The following SLC36A3 variants were observed in gnomAD, a reference collection of about 807,000 sequenced individuals.
The protein encoded by SLC36A3 is proton-coupled amino acid transporter 3.
A neutral mutation model predicts 44.3 loss-of-function variants in SLC36A3; 35 were observed. That is an observed-to-expected ratio of 0.79 (90% confidence interval 0.60 to 1.05). The LOEUF is 1.05. Among genes scored for constraint, SLC36A3 ranks in the 50% least tolerant of loss-of-function variants. The pLI is 0.00. For synonymous variants in SLC36A3, 211 were observed against 227.6 expected (o/e 0.93, Z 0.66); for missense variants, 540 against 578.7 (o/e 0.93, Z 0.69).
At chr5:151,289,290 GAGTT>G (rs1475850984) in intron 4 of SLC36A3, among the ~76,000 whole-genome samples, 13 of 151,944 alleles carry the variant, frequency 8.6e-5, no homozygotes, top group African/African-American at 2.9e-4. Context: ...ACATAAAAAT[GAGTT>G]AGTATTATCC....
rs1754142084 is a variant in SLC36A3 at position 151,277,609 on chromosome 5, G to A, written c.1197C>T (p.Gly399=). 2 of 1,614,176 alleles carry A rather than the reference G, an allele frequency of 1.2e-6. No individual in the cohort carries two copies. Among genetic ancestry groups the A allele is most frequent in the Non-Finnish European group, 1.7e-6 (2 of 1,180,030 alleles). Residue 399 remains glycine (G), a synonymous_variant, in exon 10 of 10, where the codon GGC becomes GGT. Coordinates refer to ENST00000335230, the MANE Select transcript of SLC36A3 (RefSeq NM_181774.4). The part of the protein sequence containing the change: ...PRLDLVISLV[G]SVSSSALALI... The stretch of plus-strand genomic sequence containing the variant: ...GAGCCAGGGCGCTGCTGCTCACGGA[G>A]CCTACCAGGGAGATGACCAAGTCCA...
At chr5:151,295,313 G>A (rs1754921825) in intron 3 of SLC36A3, among the ~76,000 whole-genome samples, 1 of 152,220 alleles carries the variant, frequency 6.6e-6, no homozygotes, top group South Asian at 2.1e-4. Flanking sequence ...TAGACTTACT[G>A]TGAGGAGTAA....
intron 9 of SLC36A3, among the ~76,000 whole-genome samples, chr5:151,279,504 T>G (rs10063518): frequency 2.0e-5 from 3 of 151,920 alleles, no homozygotes; most frequent in Non-Finnish European, 4.4e-5. Context: ...GAATAATGGA[T>G]GAAGAATGGG....
chr5:151,288,375 G>C lies in SLC36A3; in HGVS notation c.489+11C>G, dbSNP rs199918592. The C allele has an allele frequency of 1.3e-6, 2 of 1,589,666 alleles. No homozygotes were observed. Among genetic ancestry groups the C allele is most frequent in the African/African-American group, 1.4e-5 (1 of 74,028 alleles). Reference sequence around the variant, plus strand: ...CTTTTCCCCCACTCTGCCCAGAAGAGGGCTCTTTACCTGTTGTAAATTGTC... The same window carrying C: ...CTTTTCCCCCACTCTGCCCAGAAGACGGCTCTTTACCTGTTGTAAATTGTC... On this transcript the variant is annotated intron_variant, in intron 5 of 9. Transcript: ENST00000335230.
rs1274927259 is a variant in SLC36A3, at chr5:151,298,614, G to A, written c.198C>T (p.Ala66=). ...TTACCAACAAGCCGGCATTCTTTAT[G>A]GCCAGGGGAAGCCCCAGGAGCCCTG... The part of the protein sequence containing the change: ...IGTGLLGLPL[A]IKNAGLLVGP... Residue 66 remains alanine, a synonymous_variant, in exon 2 of 10, where the codon GCC becomes GCT. Coordinates refer to ENST00000335230, the MANE Select transcript of SLC36A3 (RefSeq NM_181774.4). The A allele has an allele frequency of 8.7e-6, 14 of 1,614,028 alleles. No homozygotes were observed. In the Admixed American group the frequency reaches 2.3e-4, roughly 27 times the overall value.
intron 2 of SLC36A3, 128 bp from the exon 3 acceptor site, chr5:151,296,396 G>T: frequency 1.3e-6 from 1 of 741,734 alleles, no homozygotes; most frequent in Non-Finnish European, 2.3e-6. Flanking sequence ...GACCCAGCCT[G>T]AATGTCCTCA....
At chr5:151,288,063 G>A (rs563559441) in intron 5 of SLC36A3, among the ~76,000 whole-genome samples, 112 of 152,320 alleles carry the variant, frequency 7.4e-4, no homozygotes, top group African/African-American at 2.7e-3. Context: ...TGTATAGTTA[G>A]ACATCTTCTA....
intron 8 of SLC36A3, 54 bp downstream of exon 8, chr5:151,283,990 A>G: frequency 6.5e-7 from 1 of 1,548,942 alleles, no homozygotes; most frequent in South Asian, 1.3e-5. Context: ...TGCTATGACA[A>G]CCAGAACAGT....
At chr5:151,294,137 A>G (rs1754868301) in intron 3 of SLC36A3, among the ~76,000 whole-genome samples, 1 of 152,182 alleles carries the variant, frequency 6.6e-6, no homozygotes, top group Non-Finnish European at 1.5e-5. Context: ...TTAAATCCCA[A>G]CATGACCCTC....
intron 6 of SLC36A3, among the ~76,000 whole-genome samples, chr5:151,284,979 C>T (rs1754479288): frequency 3.3e-5 from 5 of 152,132 alleles, no homozygotes; most frequent in Admixed American, 2.6e-4. Flanking sequence ...ATCCATCACC[C>T]CTATCCATCT....
chr5:151,279,469 G>T (rs1008286618), intron 9 of SLC36A3, among the ~76,000 whole-genome samples: 2 of 152,178 alleles, frequency 1.3e-5, no homozygotes, highest in African/African-American at 2.4e-5. Flanking sequence ...TGAATAAAGG[G>T]TAAAGGGTAA....
At position 151,298,585 on chromosome 5, in the gene SLC36A3, C is replaced by A; in HGVS notation, c.219+8G>T. Reference sequence around the variant, plus strand: ...AAACCTAGTTCCCATCCCACAGATGCCTCTTACCAACAAGCCGGCATTCTT... The same window carrying A: ...AAACCTAGTTCCCATCCCACAGATGACTCTTACCAACAAGCCGGCATTCTT... On this transcript the variant is annotated splice_region_variant and intron_variant, in intron 2 of 9. Coordinates refer to ENST00000335230, the MANE Select transcript of SLC36A3 (RefSeq NM_181774.4). 3 of 1,614,028 alleles carry A rather than the reference C, an allele frequency of 1.9e-6. No individual in the cohort carries two copies. Among genetic ancestry groups the A allele is most frequent in the Non-Finnish European group, 2.5e-6 (3 of 1,179,910 alleles).
rs910387295 is a variant in SLC36A3 at position 151,281,267 on chromosome 5, T to TA, written c.975-85dup. The TA allele has an allele frequency of 5.8e-6, 8 of 1,388,054 alleles. No homozygotes were observed. The African/African-American group carries it at 1.0e-4, about 18-fold the overall frequency. 86.0% of individuals were successfully genotyped at this position (1,388,054 alleles called of 1,614,324 possible). A position where few individuals can be genotyped will look rare whatever the true frequency, so the allele number is the denominator to read the frequency against. ...GACTCACTTACTGCTCAGAAGCTGG[T>TA]ATGGGTTGAGTATCCCTAATCCAAA... On this transcript the variant is annotated intron_variant, in intron 8 of 9. Coordinates refer to ENST00000335230, the MANE Select transcript of SLC36A3 (RefSeq NM_181774.4).
chr5:151,277,543 A>T lies in SLC36A3; in HGVS notation c.1263T>A (p.Ser421=), dbSNP rs752506308. Residue 421 remains serine (S), a synonymous_variant, in exon 10 of 10, where the codon TCT becomes TCA. Coordinates refer to ENST00000335230, the MANE Select transcript of SLC36A3 (RefSeq NM_181774.4). ...CAATGGTGACACAGCTCATGTCCTC[A>T]GAGTAAAAGATGACGATCTCCAGGA... ...PALLEIVIFY[S]EDMSCVTIAK... is the part of the protein sequence containing the mutation. 6.2e-7 allele frequency: 1 copy of T among 1,614,112 alleles called. No homozygotes were observed. The highest frequency in any genetic ancestry group is 2.2e-5 in the East Asian group (1 of 44,902).
chr5:151,296,315 C>G lies in SLC36A3; in HGVS notation c.220-47G>C, dbSNP rs749054209. The G allele has an allele frequency of 2.1e-5, 32 of 1,505,728 alleles. No homozygotes were observed. In the African/African-American group the frequency reaches 2.9e-4, roughly 14 times the overall value. The allele number at this position is 1,505,728 out of a possible 1,614,324, so 93.3% of individuals were successfully genotyped here. On this transcript the variant is annotated intron_variant, in intron 2 of 9. Coordinates refer to ENST00000335230, the MANE Select transcript of SLC36A3 (RefSeq NM_181774.4). ...GGGAAGTGAGCCAGAAATGATCACT[C>G]CCATTCCCTGGCCCTCTCACAGTCT... is the stretch of plus-strand genomic sequence containing the variant.
rs1439616472 is a variant in SLC36A3, at chr5:151,299,250, CTCTCTCTCTCTCTCTATATATA to C, written c.129-589_129-568del. 1.1e-3 allele frequency among the ~76,000 whole-genome samples: 110 copies of C among 96,120 alleles called. 1 individual carries two copies. The highest frequency in any genetic ancestry group is 4.5e-3 in the African/African-American group (105 of 23,380). 63.1% of individuals were successfully genotyped at this position (96,120 alleles called of 152,430 possible). On this transcript the variant is annotated intron_variant, in intron 1 of 9. Coordinates refer to ENST00000335230, the MANE Select transcript of SLC36A3 (RefSeq NM_181774.4). ...GCTCTCTCTCTCTCTCTCTCTCTCT[CTCTCTCTCTCTCTCTATATATA>C]TATATATATATATATATATGAAATG...
At chr5:151,293,837 G>A (rs1220602028) in intron 3 of SLC36A3, among the ~76,000 whole-genome samples, 1 of 152,202 alleles carries the variant, frequency 6.6e-6, no homozygotes, top group Non-Finnish European at 1.5e-5. Context: ...GATGGTGTCA[G>A]AACACTCGAG....
chr5:151,281,998 C>T (rs1408274504), intron 8 of SLC36A3, among the ~76,000 whole-genome samples: 1 of 151,728 alleles, frequency 6.6e-6, no homozygotes. Context: ...TGTACATGCT[C>T]ATACAGAATG....
At chr5:151,299,254 CTCTCTCTCTCTATATATATATATA>C (rs1755076748) in intron 1 of SLC36A3, among the ~76,000 whole-genome samples, 2 of 87,146 alleles carry the variant, frequency 2.3e-5, no homozygotes, top group African/African-American at 9.2e-5. Flanking sequence ...CTCTCTCTCT[CTCTCTCTCTCTATATATATATATA>C]TATATATATA....
Sources: allele counts gnomAD v4.1 joint callset (sites outside exome capture counted in the v4.1 genomes callset), GRCh38; gene constraint gnomAD v4.1.1; transcripts MANE v1.5; gene names NCBI Gene and HGNC (gene_info 2026-07-23, HGNC 2026-07-21).